Variants in AKR1C3 observed in about 807,000 individuals in gnomAD.
The protein encoded by AKR1C3 is aldo-keto reductase family 1 member C3, also known as 3-alpha hydroxysteroid dehydrogenase, type II.
A neutral mutation model predicts 43.6 loss-of-function variants in AKR1C3; 48 were observed. The ratio of observed to expected loss-of-function variants is 1.10; its 90% CI spans 0.87 to 1.40. The LOEUF (loss-of-function observed/expected upper bound fraction) is 1.40. AKR1C3 is among the 40% of genes most tolerant of loss of function. The probability of loss-of-function intolerance (pLI) is 0.00; values close to 1 mark genes in which losing one functional copy is unlikely to be tolerated. For missense variants in AKR1C3, 482 were observed against 391.2 expected (o/e 1.23, Z -1.96); for synonymous variants, 162 against 139.6 (o/e 1.16, Z -1.13).
intron 1 of AKR1C3, among the ~76,000 whole-genome samples, chr10:5,085,354 T>C (rs376589789): frequency 6.6e-4 from 100 of 152,154 alleles, no homozygotes; most frequent in African/African-American, 2.3e-3. Flanking sequence ...TTGTCTTTGG[T>C]TCTGTTTATA....
At chr10:5,049,511 G>A (rs1554778740) in intron 1 of AKR1C3, among the ~76,000 whole-genome samples, 1 of 152,186 alleles carries the variant, frequency 6.6e-6, no homozygotes, top group Non-Finnish European at 1.5e-5. Context: ...AACAAGTTAC[G>A]TTTAAATTAT....
intron 1 of AKR1C3, among the ~76,000 whole-genome samples, chr10:5,083,156 A>G (rs1838872881): frequency 6.6e-6 from 1 of 152,020 alleles, no homozygotes; most frequent in Non-Finnish European, 1.5e-5. Context: ...TACATGTGCC[A>G]TGTTGGTGTG....
chr10:5,088,748 T>A (rs1839025120), intron 1 of AKR1C3, among the ~76,000 whole-genome samples: 1 of 151,878 alleles, frequency 6.6e-6, no homozygotes, highest in African/African-American at 2.4e-5. Context: ...GTCTTGTCCT[T>A]TTATCAAATT....
chr10:5,094,153 T>G, upstream of AKR1C3: 1 of 210,086 alleles, frequency 4.8e-6, no homozygotes, highest in Non-Finnish European at 9.6e-6. Flanking sequence ...TTTGAATAAT[T>G]TAATATAGAG....
intron 1 of AKR1C3, among the ~76,000 whole-genome samples, chr10:5,054,416 G>T (rs1005972502): frequency 1.3e-5 from 2 of 152,130 alleles, no homozygotes; most frequent in Non-Finnish European, 2.9e-5. Context: ...GCTTTGAGGG[G>T]TACTGATAAG....
At chr10:5,094,073 C>A (rs954509926), upstream of AKR1C3, 9 of 167,288 alleles carry the variant, frequency 5.4e-5, no homozygotes, top group Admixed American at 3.1e-4. Flanking sequence ...ACGGCAGAAA[C>A]GAAAAAAGAT....
At chr10:5,098,199 A>G (rs1251629216) in intron 3 of AKR1C3, 8 of 983,308 alleles carry the variant, frequency 8.1e-6, no homozygotes, top group Non-Finnish European at 9.7e-6. Context: ...ACATTTAAGG[A>G]TATGAAATAG....
chr10:5,087,917 G>C (rs1839007238), intron 1 of AKR1C3, among the ~76,000 whole-genome samples: 1 of 151,864 alleles, frequency 6.6e-6, no homozygotes, highest in African/African-American at 2.4e-5. Flanking sequence ...AGTGACTTTA[G>C]GTGGTGAGTT....
At chr10:5,068,753 C>A (rs1165607403) in intron 1 of AKR1C3, among the ~76,000 whole-genome samples, 21 of 152,258 alleles carry the variant, frequency 1.4e-4, no homozygotes, top group African/African-American at 4.3e-4. Flanking sequence ...GGAGAAGAGG[C>A]AAGAGCACAG....
intron 7 of AKR1C3, 80 bp downstream of exon 7, chr10:5,102,730 G>A (rs1422952468): frequency 6.8e-7 from 1 of 1,480,956 alleles, no homozygotes. Flanking sequence ...TCTCAGGACA[G>A]CCTTGGGCCA....
rs782294500 is a variant in AKR1C3 at position 5,102,551 on chromosome 10, G to A, written c.747G>A (p.Lys249=). ...TTTGTGCCTTGGCAAAAAAGCACAA[G>A]CGAACCCCAGCCCTGATTGCCCTGC... ...PVLCALAKKH[K]RTPALIALRY... Residue 249 remains lysine, a synonymous_variant, in exon 7 of 9, where the codon AAG becomes AAA. Coordinates refer to ENST00000380554, the MANE Select transcript of AKR1C3 (RefSeq NM_003739.6). 1 of 1,571,408 alleles carries A rather than the reference G, an allele frequency of 6.4e-7. No individual in the cohort carries two copies. Among genetic ancestry groups the A allele is most frequent in the South Asian group, 1.2e-5 (1 of 86,066 alleles).
At chr10:5,093,844 T>C (rs1336356940), upstream of AKR1C3, 1 of 152,190 alleles carries the variant, frequency 6.6e-6, no homozygotes, top group Non-Finnish European at 1.5e-5. Context: ...CAGAAATGAA[T>C]ATTTCTCTTA....
chr10:5,095,013 G>A (rs1256883107), intron 1 of AKR1C3, among the ~76,000 whole-genome samples: 4 of 152,046 alleles, frequency 2.6e-5, no homozygotes, highest in Admixed American at 6.6e-5. Flanking sequence ...CAGTATTACC[G>A]GACCTGGACT....
intron 7 of AKR1C3, among the ~76,000 whole-genome samples, 157 bp downstream of exon 7, chr10:5,102,807 C>T (rs139610831): frequency 6.6e-6 from 1 of 152,276 alleles, no homozygotes; most frequent in African/African-American, 2.4e-5. Flanking sequence ...TCTACTCTAC[C>T]ACGGGAGAGG....
At chr10:5,098,441 G>T (rs555318936) in intron 3 of AKR1C3, among the ~76,000 whole-genome samples, 94 of 152,220 alleles carry the variant, frequency 6.2e-4, no homozygotes, top group Middle Eastern at 3.4e-3. Flanking sequence ...TAATCCTACC[G>T]TGTACAAGAG....
chr10:5,099,347 T>C lies in AKR1C3; in HGVS notation c.468T>C (p.Asp156=). Residue 156 remains aspartate (D), a synonymous_variant, in exon 5 of 9, where the codon GAT becomes GAC. Transcript: ENST00000380554. ...CACAGGCCATGGAGAAGTGTAAGGA[T>C]GCAGGATTGGCCAAGTCCATTGGGG... is the stretch of plus-strand genomic sequence containing the variant. ...TTWEAMEKCK[D]AGLAKSIGVS... The C allele has an allele frequency of 1.2e-6, 2 of 1,614,148 alleles. No homozygotes were observed. The highest frequency in any genetic ancestry group is 1.7e-6 in the Non-Finnish European group (2 of 1,180,034).
At chr10:5,080,204 G>A (rs920535149) in intron 1 of AKR1C3, among the ~76,000 whole-genome samples, 1 of 152,012 alleles carries the variant, frequency 6.6e-6, no homozygotes, top group Non-Finnish European at 1.5e-5. Context: ...GTGGAGATGG[G>A]AAACACTGTA....
At chr10:5,077,719 C>A in intron 1 of AKR1C3, 1 of 1,180,728 alleles carries the variant, frequency 8.5e-7, no homozygotes, top group African/African-American at 1.6e-5. Flanking sequence ...ATCCTTTTCC[C>A]TTTAGAGAAA....
chr10:5,087,550 A>G (rs1838998129), intron 1 of AKR1C3, among the ~76,000 whole-genome samples: 1 of 151,218 alleles, frequency 6.6e-6, no homozygotes, highest in Non-Finnish European at 1.5e-5. Flanking sequence ...TGTTTTTTGT[A>G]TTTTTAGTAG....
Sources: allele counts gnomAD v4.1 joint callset (sites outside exome capture counted in the v4.1 genomes callset), GRCh38; gene constraint gnomAD v4.1.1; transcripts MANE v1.5; gene names NCBI Gene and HGNC (gene_info 2026-07-23, HGNC 2026-07-21).